IMMP2L: variants seen among roughly 807,000 people sequenced by gnomAD.
The protein encoded by IMMP2L is mitochondrial inner membrane protease subunit 2.
In IMMP2L, 18 loss-of-function variants were observed where a neutral mutation model predicts 19.3. That is an observed-to-expected ratio of 0.93 (90% CI 0.64 to 1.38). The LOEUF (loss-of-function observed/expected upper bound fraction) is 1.38, where lower values mean the gene tolerates loss of function less well. Ranked by LOEUF, IMMP2L falls within the 40% of genes most tolerant of loss-of-function variation. IMMP2L has a pLI of 0.00. For missense variants in IMMP2L, 233 were observed against 218.2 expected (o/e 1.07, Z -0.43); for synonymous variants, 76 against 73.0 (o/e 1.04, Z -0.21).
chr7:111,044,568 AT>A (rs1341042898), intron 3 of IMMP2L, among the ~76,000 whole-genome samples: 4 of 152,340 alleles, frequency 2.6e-5, no homozygotes, highest in South Asian at 4.1e-4. Context: ...CCTCAAAAAA[AT>A]AAAAATAAAA....
chr7:111,031,002 A>G (rs55921247), intron 3 of IMMP2L, among the ~76,000 whole-genome samples: 106,246 of 149,286 alleles, frequency 0.71, 38,448 homozygotes, highest in African/African-American at 0.81. Flanking sequence ...TGTTAGAGTG[A>G]GAGGTTAGAG....
At chr7:110,953,652 A>G (rs1055761330) in intron 4 of IMMP2L, among the ~76,000 whole-genome samples, 37 of 152,166 alleles carry the variant, frequency 2.4e-4, no homozygotes, top group African/African-American at 8.4e-4. Flanking sequence ...TCTTTACAGT[A>G]GAATGATCCA....
intron 3 of IMMP2L, among the ~76,000 whole-genome samples, chr7:111,486,371 A>T (rs1488062904): frequency 6.6e-6 from 1 of 152,162 alleles, no homozygotes; most frequent in African/African-American, 2.4e-5. Flanking sequence ...ACAAGAAAAA[A>T]ATCCTTCCAA....
chr7:110,926,179 A>G (rs1814829698), intron 4 of IMMP2L, among the ~76,000 whole-genome samples: 1 of 152,004 alleles, frequency 6.6e-6, no homozygotes, highest in Non-Finnish European at 1.5e-5. Flanking sequence ...TAAGTATATA[A>G]TTGTACTGAT....
chr7:111,540,305 A>T (rs1445441439), intron 1 of IMMP2L, among the ~76,000 whole-genome samples: 1 of 152,164 alleles, frequency 6.6e-6, no homozygotes, highest in East Asian at 1.9e-4. Flanking sequence ...CACAATGAAG[A>T]CTAATAAGCA....
chr7:111,091,649 G>T (rs913261046), intron 3 of IMMP2L: 5 of 152,080 alleles, frequency 3.3e-5, no homozygotes, highest in African/African-American at 1.2e-4. Flanking sequence ...CTTTTGAGAA[G>T]AAATTCACAT....
At chr7:111,498,728 T>A (rs535210835) in intron 2 of IMMP2L, among the ~76,000 whole-genome samples, 1 of 152,172 alleles carries the variant, frequency 6.6e-6, no homozygotes. Flanking sequence ...GATAATACCA[T>A]GGATTTTAGA....
intron 1 of IMMP2L, among the ~76,000 whole-genome samples, chr7:111,524,004 A>C (rs1846599623): frequency 6.6e-6 from 1 of 152,080 alleles, no homozygotes; most frequent in Non-Finnish European, 1.5e-5. Context: ...TACTTTTCCA[A>C]TGGACTATTT....
chr7:111,219,335 A>T (rs1812280581), intron 3 of IMMP2L, among the ~76,000 whole-genome samples: 1 of 152,014 alleles, frequency 6.6e-6, no homozygotes, highest in African/African-American at 2.4e-5. Flanking sequence ...TGTGATGATC[A>T]ATATGCTGAT....
chr7:111,411,724 C>A (rs768576419), intron 3 of IMMP2L: 5 of 197,480 alleles, frequency 2.5e-5, no homozygotes, highest in South Asian at 8.9e-5. Flanking sequence ...AGGTGCACAT[C>A]CTCAGCCAGG....
intron 3 of IMMP2L, among the ~76,000 whole-genome samples, chr7:111,259,702 A>G (rs1817106876): frequency 2.0e-5 from 3 of 152,066 alleles, no homozygotes. Context: ...GCATATTTTT[A>G]TAACTTTTAA....
At chr7:111,519,023 T>C (rs1846112627) in intron 2 of IMMP2L, among the ~76,000 whole-genome samples, 1 of 152,130 alleles carries the variant, frequency 6.6e-6, no homozygotes, top group Admixed American at 6.6e-5. Flanking sequence ...CCAATCACGG[T>C]ACCCCATTCT....
At chr7:111,446,702 A>C (rs571933088) in intron 3 of IMMP2L, among the ~76,000 whole-genome samples, 2 of 152,382 alleles carry the variant, frequency 1.3e-5, no homozygotes, top group Admixed American at 1.3e-4. Context: ...ACAAAACTGG[A>C]TGGAGAATGA....
At position 111,533,339 on chromosome 7, in the gene IMMP2L, T is replaced by C. The variant is rs571495159; in HGVS notation, c.-2-11890A>G. 7.2e-4 allele frequency among the ~76,000 whole-genome samples: 110 copies of C among 152,346 alleles called. 1 individual carries two copies. The highest frequency in any genetic ancestry group is 4.5e-3 in the Admixed American group (69 of 15,306). On this transcript the variant is annotated intron_variant, in intron 1 of 5. Transcript: ENST00000405709. ...TAAATTGGAAGACACTGTTTTAAGA[T>C]ACCTGTGAAATTTCATCAACTGTGG... is the stretch of plus-strand genomic sequence containing the variant.
At chr7:111,055,069 G>C (rs1259816514) in intron 3 of IMMP2L, among the ~76,000 whole-genome samples, 4 of 128,986 alleles carry the variant, frequency 3.1e-5, no homozygotes, top group Non-Finnish European at 4.7e-5. Flanking sequence ...TTTTTTCCCA[G>C]AAACAGGGTG....
chr7:111,188,608 A>G (rs1808528911), intron 3 of IMMP2L, among the ~76,000 whole-genome samples: 1 of 152,058 alleles, frequency 6.6e-6, no homozygotes, highest in Admixed American at 6.5e-5. Flanking sequence ...AGCTTATTAG[A>G]CGGCTCTGCT....
intron 1 of IMMP2L, among the ~76,000 whole-genome samples, chr7:111,524,719 G>A (rs1846674800): frequency 6.6e-6 from 1 of 152,104 alleles, no homozygotes; most frequent in Admixed American, 6.6e-5. Context: ...CACCCTGAAT[G>A]TCTCCTCACA....
chr7:111,226,977 GAAGT>G (rs1168144941), intron 3 of IMMP2L, among the ~76,000 whole-genome samples: 1 of 152,118 alleles, frequency 6.6e-6, no homozygotes, highest in East Asian at 1.9e-4. Context: ...GTAAAAAGGG[GAAGT>G]GATTGGTGGA....
intron 3 of IMMP2L, chr7:111,411,393 T>C: frequency 2.1e-6 from 1 of 474,602 alleles, no homozygotes; most frequent in Non-Finnish European, 4.2e-6. Context: ...AAAAAAGGGG[T>C]CCCCGTGAAA....
Sources: gnomAD v4.1 joint callset for allele counts (sites outside exome capture counted in the v4.1 genomes callset) on GRCh38, gnomAD v4.1.1 for gene constraint, MANE v1.5 for transcripts, NCBI Gene and HGNC (gene_info 2026-07-23, HGNC 2026-07-21) for gene names.